Variants in BRINP3 observed in about 807,000 individuals in gnomAD.
The protein encoded by BRINP3 is BMP/retinoic acid inducible neural specific 3, also known as BMP/retinoic acid-inducible neural-specific protein 3.
In BRINP3, 19 loss-of-function variants were observed where a neutral mutation model predicts 71.0. The ratio of observed to expected loss-of-function variants is 0.27; its 90% CI spans 0.19 to 0.39. The LOEUF (loss-of-function observed/expected upper bound fraction) is 0.39, where lower values mean the gene tolerates loss of function less well. Among genes scored for constraint, BRINP3 ranks in the 10% least tolerant of loss-of-function variants. The pLI, the probability that BRINP3 is intolerant of heterozygous loss-of-function variation, is 1.00. For synonymous variants in BRINP3, 380 were observed against 337.7 expected, an observed-to-expected ratio of 1.13 and a Z score of -1.37; for missense variants, 959 against 940.8, an observed-to-expected ratio of 1.02 and a Z score of -0.25.
intron 2 of BRINP3, among the ~76,000 whole-genome samples, chr1:190,382,074 C>A (rs899634379): frequency 2.0e-5 from 3 of 151,990 alleles, no homozygotes; most frequent in Non-Finnish European, 2.9e-5. Flanking sequence ...ATTAGTAACA[C>A]TTTTGCTTTA....
chr1:190,249,148 G>C (rs1420971364), intron 4 of BRINP3, among the ~76,000 whole-genome samples: 1 of 151,660 alleles, frequency 6.6e-6, no homozygotes, highest in East Asian at 1.9e-4. Context: ...GACTACTAGA[G>C]AAAACCATGC....
At chr1:190,187,775 T>C (rs2102559595) in intron 6 of BRINP3, among the ~76,000 whole-genome samples, 1 of 152,246 alleles carries the variant, frequency 6.6e-6, no homozygotes, top group African/African-American at 2.4e-5. Flanking sequence ...TTTCTTTTTT[T>C]TCTACAGCTT....
chr1:190,327,352 G>GAAAAAAAAAAAAAAAAGA (rs796445574), intron 2 of BRINP3, among the ~76,000 whole-genome samples: 19 of 77,410 alleles, frequency 2.5e-4, no homozygotes, highest in Non-Finnish European at 3.9e-4. Flanking sequence ...AAAAAAAAAG[G>GAAAAAAAAAAAAAAAAGA]AAAAAAAAAA....
intron 2 of BRINP3, among the ~76,000 whole-genome samples, chr1:190,367,291 A>C (rs1025067009): frequency 6.6e-6 from 1 of 152,240 alleles, no homozygotes; most frequent in African/African-American, 2.4e-5. Flanking sequence ...AAGCTGTCTG[A>C]AGCAATGGCC....
chr1:190,367,308 G>A (rs1669570226), intron 2 of BRINP3, among the ~76,000 whole-genome samples: 1 of 152,112 alleles, frequency 6.6e-6, no homozygotes, highest in South Asian at 2.1e-4. Flanking sequence ...GGCCCTACCT[G>A]TACCTTGACC....
intron 7 of BRINP3, among the ~76,000 whole-genome samples, chr1:190,134,201 G>C (rs763134520): frequency 2.6e-5 from 4 of 152,010 alleles, no homozygotes; most frequent in Non-Finnish European, 4.4e-5. Context: ...AAGCCTCTTC[G>C]TGGAGGTGAT....
intron 1 of BRINP3, among the ~76,000 whole-genome samples, chr1:190,467,754 G>A (rs1571393332): frequency 6.6e-6 from 1 of 151,540 alleles, no homozygotes; most frequent in East Asian, 1.9e-4. Context: ...AGCCCAAACT[G>A]TCTTCAAACT....
chr1:190,307,332 T>C (rs1236791608), intron 2 of BRINP3, among the ~76,000 whole-genome samples: 1 of 131,812 alleles, frequency 7.6e-6, no homozygotes, highest in African/African-American at 2.8e-5. Context: ...GCAGTAGAGC[T>C]ATCTTGGCTC....
intron 2 of BRINP3, among the ~76,000 whole-genome samples, chr1:190,357,254 T>C (rs752098761): frequency 1.3e-5 from 2 of 152,086 alleles, no homozygotes; most frequent in Non-Finnish European, 2.9e-5. Context: ...ATTGACCGCC[T>C]TGAGTGAACT....
intron 2 of BRINP3, among the ~76,000 whole-genome samples, chr1:190,380,512 G>C (rs1203836017): frequency 6.6e-6 from 1 of 152,098 alleles, no homozygotes; most frequent in Admixed American, 6.6e-5. Context: ...TCAGAAAATA[G>C]TTGCATTTAA....
chr1:190,466,455 G>C (rs1676756066), intron 1 of BRINP3, among the ~76,000 whole-genome samples: 1 of 151,664 alleles, frequency 6.6e-6, no homozygotes, highest in African/African-American at 2.4e-5. Flanking sequence ...TACATTTAAG[G>C]AGCTTTCAAA....
intron 6 of BRINP3, among the ~76,000 whole-genome samples, chr1:190,203,409 GTA>G (rs1365316100): frequency 3.4e-5 from 5 of 145,264 alleles, no homozygotes; most frequent in African/African-American, 5.2e-5. Flanking sequence ...ATATATATAT[GTA>G]TGTGTGTGTG....
At chr1:190,130,807 G>A (rs1654475225) in intron 7 of BRINP3, among the ~76,000 whole-genome samples, 1 of 151,904 alleles carries the variant, frequency 6.6e-6, no homozygotes, top group Admixed American at 6.6e-5. Flanking sequence ...AAAACAGGCG[G>A]TGCTTTCCCA....
intron 2 of BRINP3, among the ~76,000 whole-genome samples, chr1:190,448,718 T>C (rs1571340434): frequency 6.6e-6 from 1 of 151,938 alleles, no homozygotes; most frequent in African/African-American, 2.4e-5. Flanking sequence ...TAAGTCTGAT[T>C]ATGATAATTA....
chr1:190,467,570 C>A (rs1414683122), intron 1 of BRINP3, among the ~76,000 whole-genome samples: 1 of 151,338 alleles, frequency 6.6e-6, no homozygotes, highest in Non-Finnish European at 1.5e-5. Flanking sequence ...CTTGGATAGC[C>A]CAAATTTTAA....
intron 2 of BRINP3, among the ~76,000 whole-genome samples, chr1:190,372,034 A>C (rs551063361): frequency 3.4e-4 from 52 of 152,296 alleles, no homozygotes; most frequent in Non-Finnish European, 7.4e-4. Flanking sequence ...TTCACAGTGA[A>C]TACGAGCATT....
intron 2 of BRINP3, among the ~76,000 whole-genome samples, chr1:190,441,302 A>G (rs1292224649): frequency 2.0e-5 from 3 of 152,080 alleles, no homozygotes; most frequent in Admixed American, 6.5e-5. Context: ...AGGCAGTAAC[A>G]TATAATCAAG....
At chr1:190,375,098 G>A (rs1230484328) in intron 2 of BRINP3, among the ~76,000 whole-genome samples, 1 of 151,900 alleles carries the variant, frequency 6.6e-6, no homozygotes, top group Non-Finnish European at 1.5e-5. Flanking sequence ...CAGGTATAAT[G>A]GAATTTTAAA....
intron 7 of BRINP3, among the ~76,000 whole-genome samples, chr1:190,124,550 A>T (rs1295631327): frequency 1.3e-5 from 2 of 152,144 alleles, no homozygotes; most frequent in African/African-American, 4.8e-5. Flanking sequence ...ATTAATAAAA[A>T]TAACAACAGT....
Sources: allele counts gnomAD v4.1 joint callset (sites outside exome capture counted in the v4.1 genomes callset), GRCh38; gene constraint gnomAD v4.1.1; transcripts MANE v1.5; gene names NCBI Gene and HGNC (gene_info 2026-07-23, HGNC 2026-07-21).